HS3ST4: variants seen among roughly 807,000 people sequenced by gnomAD.
HS3ST4 encodes heparan sulfate glucosamine 3-O-sulfotransferase 4.
A neutral mutation model predicts 29.2 loss-of-function variants in HS3ST4; 17 were observed. The observed-to-expected ratio is 0.58, with a 90% CI of 0.40 to 0.87. HS3ST4 has a LOEUF of 0.87. Ranked by LOEUF, HS3ST4 falls within the 40% of genes least tolerant of loss-of-function variation. The probability of loss-of-function intolerance (pLI) is 0.00; values close to 1 mark genes in which losing one functional copy is unlikely to be tolerated. For missense variants in HS3ST4, 627 were observed against 634.5 expected, an observed-to-expected ratio of 0.99 and a Z score of 0.13; for synonymous variants, 314 against 285.7, an observed-to-expected ratio of 1.10 and a Z score of -1.00.
chr16:25,899,053 C>G (rs994492140), intron 1 of HS3ST4, among the ~76,000 whole-genome samples: 1 of 152,242 alleles, frequency 6.6e-6, no homozygotes, highest in Non-Finnish European at 1.5e-5. Flanking sequence ...TTTCTACCAA[C>G]TGCAAGCTCA....
At chr16:25,855,963 C>T (rs1967570565) in intron 1 of HS3ST4, among the ~76,000 whole-genome samples, 1 of 151,942 alleles carries the variant, frequency 6.6e-6, no homozygotes, top group African/African-American at 2.4e-5. Flanking sequence ...GGATAAGGCT[C>T]TGGTAAAGTC....
intron 1 of HS3ST4, among the ~76,000 whole-genome samples, chr16:26,118,826 G>A (rs190883690): frequency 2.0e-5 from 3 of 152,238 alleles, no homozygotes; most frequent in African/African-American, 4.8e-5. Flanking sequence ...TTGTTGAAAC[G>A]GGATATGAGG....
intron 1 of HS3ST4, among the ~76,000 whole-genome samples, chr16:26,135,202 A>G (rs1898265582): frequency 2.0e-5 from 3 of 152,206 alleles, no homozygotes; most frequent in South Asian, 4.1e-4. Context: ...GAACTCTTAC[A>G]CATGCCAGCT....
chr16:25,874,100 C>T (rs993144563), intron 1 of HS3ST4, among the ~76,000 whole-genome samples: 6 of 152,166 alleles, frequency 3.9e-5, no homozygotes, highest in Admixed American at 3.3e-4. Context: ...TCTGCTTTAC[C>T]AGTATTTCTT....
rs556886613 is a variant in HS3ST4 at position 25,922,407 on chromosome 16, G to A, written c.735-213205G>A. 3.3e-5 allele frequency among the ~76,000 whole-genome samples: 5 copies of A among 152,240 alleles called. No homozygotes were observed. In the East Asian group the frequency reaches 7.8e-4, roughly 24 times the overall value. On this transcript the variant is annotated intron_variant, in intron 1 of 1. Coordinates refer to ENST00000331351, the MANE Select transcript of HS3ST4 (RefSeq NM_006040.3). ...TTTGTGAACCAGTAAATAGATCCTC[G>A]CTAGACATTGGATTTGCTGACCCCT...
intron 1 of HS3ST4, among the ~76,000 whole-genome samples, chr16:26,116,620 G>A (rs1209048023): frequency 6.6e-6 from 1 of 152,146 alleles, no homozygotes; most frequent in Non-Finnish European, 1.5e-5. Flanking sequence ...TAATGATAGA[G>A]TGTCATCAGA....
At chr16:26,042,168 T>G (rs188959329) in intron 1 of HS3ST4, among the ~76,000 whole-genome samples, 1 of 152,328 alleles carries the variant, frequency 6.6e-6, no homozygotes, top group African/African-American at 2.4e-5. Flanking sequence ...TCCAGCGTTC[T>G]GAAACCTTTC....
intron 1 of HS3ST4, among the ~76,000 whole-genome samples, chr16:26,053,417 AGAAGAT>A (rs916591558): frequency 2.0e-4 from 30 of 152,244 alleles, no homozygotes; most frequent in Admixed American, 6.5e-4. Context: ...AGCAACTTCC[AGAAGAT>A]TTAAGCAATA....
intron 1 of HS3ST4, among the ~76,000 whole-genome samples, chr16:26,132,828 G>A (rs1899437991): frequency 6.6e-6 from 1 of 152,136 alleles, no homozygotes; most frequent in African/African-American, 2.4e-5. Context: ...TCTGGAAAAG[G>A]CCGTATAAAA....
intron 1 of HS3ST4, among the ~76,000 whole-genome samples, chr16:25,901,902 A>C (rs910276314): frequency 7.2e-5 from 11 of 152,214 alleles, no homozygotes; most frequent in Non-Finnish European, 1.0e-4. Context: ...ATGGAGAAAA[A>C]ATGAGTTTCA....
chr16:25,909,528 G>C (rs893155571), intron 1 of HS3ST4, among the ~76,000 whole-genome samples: 5 of 152,148 alleles, frequency 3.3e-5, no homozygotes, highest in African/African-American at 4.8e-5. Flanking sequence ...CCAACTTCGA[G>C]AAGTGAGGGA....
intron 1 of HS3ST4, among the ~76,000 whole-genome samples, chr16:26,064,078 A>C (rs973249675): frequency 8.5e-5 from 13 of 152,188 alleles, no homozygotes; most frequent in African/African-American, 3.1e-4. Flanking sequence ...CATAAACAAG[A>C]GAATGGGGCT....
chr16:26,127,120 C>G lies in HS3ST4; in HGVS notation c.735-8492C>G, dbSNP rs374094895. 2.6e-5 allele frequency among the ~76,000 whole-genome samples: 4 copies of G among 152,130 alleles called. No homozygotes were observed. In the East Asian group the frequency reaches 5.8e-4, roughly 22 times the overall value. On this transcript the variant is annotated intron_variant, in intron 1 of 1. Coordinates refer to ENST00000331351, the MANE Select transcript of HS3ST4 (RefSeq NM_006040.3). ...ATAAGATAATTTCTCAACAGGCCAT[C>G]ATAATCCATAAATTGTTAATATATC...
chr16:25,832,011 TAGG>T (rs1346096570), intron 1 of HS3ST4, among the ~76,000 whole-genome samples: 1 of 152,004 alleles, frequency 6.6e-6, no homozygotes, highest in East Asian at 1.9e-4. Flanking sequence ...GAGGCTGAGA[TAGG>T]AGGATCACTT....
intron 1 of HS3ST4, among the ~76,000 whole-genome samples, chr16:25,742,828 A>T (rs1257688561): frequency 6.6e-6 from 1 of 152,184 alleles, no homozygotes; most frequent in Non-Finnish European, 1.5e-5. Context: ...GTTGTCACAT[A>T]TCCAAGGGTG....
intron 1 of HS3ST4, among the ~76,000 whole-genome samples, chr16:25,918,484 G>C (rs1483378804): frequency 6.6e-6 from 1 of 152,194 alleles, no homozygotes; most frequent in Non-Finnish European, 1.5e-5. Flanking sequence ...ACAAGAGTTA[G>C]AAAAAATAGA....
At chr16:25,839,890 C>G (rs1450641718) in intron 1 of HS3ST4, among the ~76,000 whole-genome samples, 1 of 152,000 alleles carries the variant, frequency 6.6e-6, no homozygotes, top group Non-Finnish European at 1.5e-5. Context: ...TAAGGCAGGT[C>G]CAATCCCTTT....
At chr16:26,130,977 G>A (rs1246565073) in intron 1 of HS3ST4, among the ~76,000 whole-genome samples, 1 of 152,200 alleles carries the variant, frequency 6.6e-6, no homozygotes, top group African/African-American at 2.4e-5. Context: ...AACCTGCCCT[G>A]TTCCCAGTAG....
chr16:25,778,497 T>C (rs959041189), intron 1 of HS3ST4, among the ~76,000 whole-genome samples: 6 of 152,246 alleles, frequency 3.9e-5, no homozygotes, highest in Non-Finnish European at 7.3e-5. Context: ...GCTAATTTGA[T>C]GTCAGCTTGG....
Sources: allele counts gnomAD v4.1 joint callset (sites outside exome capture counted in the v4.1 genomes callset), GRCh38; gene constraint gnomAD v4.1.1; transcripts MANE v1.5; gene names NCBI Gene and HGNC (gene_info 2026-07-23, HGNC 2026-07-21).